The following SPON1 variants were observed in gnomAD, a reference collection of about 807,000 sequenced individuals.
SPON1 encodes the protein spondin-1.
In SPON1, 52 loss-of-function variants were observed where a neutral mutation model predicts 111.7. The ratio of observed to expected loss-of-function variants is 0.47; its 90% CI spans 0.37 to 0.59. The LOEUF is 0.59. Among genes scored for constraint, SPON1 ranks in the 20% least tolerant of loss-of-function variants. The pLI, the probability that SPON1 is intolerant of heterozygous loss-of-function variation, is 0.00. For synonymous variants in SPON1, 410 were observed against 395.8 expected, an observed-to-expected ratio of 1.04 and a Z score of -0.43; for missense variants, 957 against 1,068.5, an observed-to-expected ratio of 0.90 and a Z score of 1.46.
At chr11:14,142,481 T>C (rs11023105) in intron 6 of SPON1, among the ~76,000 whole-genome samples, 60,415 of 152,050 alleles carry the variant, frequency 0.4, 12,276 homozygotes, top group East Asian at 0.55. Context: ...CCAAAGTTGA[T>C]CATAAGCAAT....
chr11:14,210,388 T>G (rs1564931807), intron 6 of SPON1, among the ~76,000 whole-genome samples: 4 of 149,960 alleles, frequency 2.7e-5, no homozygotes, highest in African/African-American at 9.9e-5. Flanking sequence ...TTTTTTTTTT[T>G]GTTTTTTGTT....
intron 6 of SPON1, among the ~76,000 whole-genome samples, chr11:14,201,598 A>G (rs1305912679): frequency 6.6e-6 from 1 of 151,718 alleles, no homozygotes; most frequent in Admixed American, 6.6e-5. Context: ...AGGTCTCACT[A>G]TGTTGCCTGG....
At chr11:14,175,168 T>C (rs1346791062) in intron 6 of SPON1, among the ~76,000 whole-genome samples, 1 of 152,220 alleles carries the variant, frequency 6.6e-6, no homozygotes, top group East Asian at 1.9e-4. Context: ...GCTACTGAGC[T>C]GTACAGCATT....
intron 2 of SPON1, among the ~76,000 whole-genome samples, chr11:13,993,188 C>T (rs1848244844): frequency 6.6e-6 from 1 of 152,010 alleles, no homozygotes; most frequent in African/African-American, 2.4e-5. Context: ...CCTCCCTAGA[C>T]TTAGTGGCGA....
chr11:14,177,674 C>A (rs1848193224), intron 6 of SPON1, among the ~76,000 whole-genome samples: 5 of 152,154 alleles, frequency 3.3e-5, no homozygotes, highest in Admixed American at 2.0e-4. Flanking sequence ...CCCTGGCCGT[C>A]CCCATAGGTG....
chr11:14,101,166 G>A (rs1400687260), intron 5 of SPON1, among the ~76,000 whole-genome samples: 1 of 152,120 alleles, frequency 6.6e-6, no homozygotes, highest in East Asian at 1.9e-4. Flanking sequence ...TTGGGAGGCT[G>A]AGGTGGGCGG....
rs2403709 is a variant in SPON1 at position 14,050,991 on chromosome 11, C to A, written c.479+9337C>A. ...AGGCAAGACGTGCATCATCCCATTG[C>A]AGTGGGGGCAGAGATGGTCAAGTCT... On this transcript the variant is annotated intron_variant, in intron 3 of 15. Coordinates refer to ENST00000576479, the MANE Select transcript of SPON1 (RefSeq NM_006108.4). Among the ~76,000 whole-genome samples the A allele has an allele frequency of 1.8e-3, 280 of 152,122 alleles. 4 individuals carry two copies. Among genetic ancestry groups the A allele is most frequent in the African/African-American group, 6.3e-3 (263 of 41,494 alleles).
intron 6 of SPON1, among the ~76,000 whole-genome samples, chr11:14,147,708 C>T (rs1373281603): frequency 5.9e-5 from 9 of 151,428 alleles, no homozygotes; most frequent in Non-Finnish European, 1.2e-4. Context: ...TGAGCCACCA[C>T]GGCTGGCCCA....
intron 5 of SPON1, among the ~76,000 whole-genome samples, chr11:14,110,224 T>C (rs1849217238): frequency 6.6e-6 from 1 of 152,172 alleles, no homozygotes; most frequent in Non-Finnish European, 1.5e-5. Flanking sequence ...GCTCCCCTTT[T>C]TGAGGATCTA....
intron 2 of SPON1, among the ~76,000 whole-genome samples, chr11:14,030,469 G>A (rs1205305882): frequency 1.3e-5 from 2 of 152,150 alleles, no homozygotes; most frequent in African/African-American, 2.4e-5. Flanking sequence ...TCGTGGCCAC[G>A]TCACCTCCCC....
chr11:14,016,016 T>C (rs1192412199), intron 2 of SPON1, among the ~76,000 whole-genome samples: 4 of 152,278 alleles, frequency 2.6e-5, no homozygotes, highest in African/African-American at 4.8e-5. Context: ...GGATAGTTGA[T>C]GACTTATTCT....
intron 3 of SPON1, among the ~76,000 whole-genome samples, chr11:14,045,639 A>G (rs1422145419): frequency 2.0e-5 from 3 of 148,628 alleles, no homozygotes; most frequent in Non-Finnish European, 4.5e-5. Flanking sequence ...TATTATATTT[A>G]AAATATAGCT....
chr11:13,989,274 TG>T (rs1378241614), intron 2 of SPON1, among the ~76,000 whole-genome samples: 1 of 152,210 alleles, frequency 6.6e-6, no homozygotes, highest in Non-Finnish European at 1.5e-5. Flanking sequence ...GGTTTCGACT[TG>T]GGAGGGTTTA....
At chr11:14,070,850 G>A (rs1381882873) in intron 3 of SPON1, among the ~76,000 whole-genome samples, 2 of 152,140 alleles carry the variant, frequency 1.3e-5, no homozygotes, top group Non-Finnish European at 2.9e-5. Flanking sequence ...GAGCACCTAA[G>A]AGATTCAGGA....
At chr11:14,234,301 C>T (rs1368784790) in intron 6 of SPON1, among the ~76,000 whole-genome samples, 1 of 152,180 alleles carries the variant, frequency 6.6e-6, no homozygotes, top group Non-Finnish European at 1.5e-5. Flanking sequence ...CCCCCTTTTC[C>T]CTTCTTTGCT....
chr11:13,962,970 C>G lies in SPON1; in HGVS notation c.66C>G (p.Pro22=). Residue 22 remains proline (P), a synonymous_variant, in exon 1 of 16, where the codon CCC becomes CCG. Transcript: ENST00000576479. ...RTPALLALAL[P]LAAALAFSDE... is the part of the protein sequence containing the mutation. ...CGGCACTGCTGGCCCTGGCGCTGCC[C>G]CTGGCCGCGGCGCTGGCCTTCTCCG... 1.3e-6 allele frequency: 2 copies of G among 1,593,176 alleles called. No individual in the cohort carries two copies. Among genetic ancestry groups the G allele is most frequent in the African/African-American group, 2.7e-5 (2 of 74,036 alleles).
chr11:14,011,123 G>T (rs553124024), intron 2 of SPON1, among the ~76,000 whole-genome samples: 6 of 152,138 alleles, frequency 3.9e-5, no homozygotes, highest in Admixed American at 1.3e-4. Context: ...GCTGAGTTTG[G>T]GTAGCACATG....
intron 6 of SPON1, among the ~76,000 whole-genome samples, chr11:14,167,858 A>G (rs1032255414): frequency 6.6e-6 from 1 of 152,156 alleles, no homozygotes; most frequent in Non-Finnish European, 1.5e-5. Flanking sequence ...GTTTATACCC[A>G]CAGAATTTTT....
chr11:14,016,559 C>T (rs542498043), intron 2 of SPON1, among the ~76,000 whole-genome samples: 2 of 152,010 alleles, frequency 1.3e-5, no homozygotes, highest in East Asian at 3.9e-4. Context: ...CAATTGGGTA[C>T]TTTAAAACAA....
Sources: gnomAD v4.1 joint callset for allele counts (sites outside exome capture counted in the v4.1 genomes callset) on GRCh38, gnomAD v4.1.1 for gene constraint, MANE v1.5 for transcripts, NCBI Gene and HGNC (gene_info 2026-07-23, HGNC 2026-07-21) for gene names.